Variants in ENOX1 observed in about 807,000 individuals in gnomAD.
The protein encoded by ENOX1 is ecto-NOX disulfide-thiol exchanger 1.
In ENOX1, 42 loss-of-function variants were observed where a neutral mutation model predicts 82.5. The observed-to-expected ratio is 0.51, with a 90% CI of 0.40 to 0.66. ENOX1 has a LOEUF of 0.66. Among genes scored for constraint, ENOX1 ranks in the 30% least tolerant of loss-of-function variants. ENOX1 has a pLI of 0.00. For missense variants in ENOX1, 608 were observed against 811.6 expected (o/e 0.75, Z 3.05); for synonymous variants, 271 against 282.2 (o/e 0.96, Z 0.40).
chr13:43,617,175 A>G (rs2082518473), intron 2 of ENOX1, among the ~76,000 whole-genome samples: 1 of 152,182 alleles, frequency 6.6e-6, no homozygotes. Flanking sequence ...CATGAGCTAG[A>G]ATGTATTCCG....
intron 2 of ENOX1, among the ~76,000 whole-genome samples, chr13:43,570,425 A>G (rs1446167914): frequency 6.6e-6 from 1 of 152,204 alleles, no homozygotes; most frequent in Admixed American, 6.5e-5. Context: ...TTAGGAGCCA[A>G]TGAAGAACAT....
chr13:43,650,610 G>A (rs866311580), intron 2 of ENOX1, among the ~76,000 whole-genome samples: 3 of 152,068 alleles, frequency 2.0e-5, no homozygotes, highest in Admixed American at 6.6e-5. Flanking sequence ...AGGCCAAGGC[G>A]GGTGGATCAT....
At chr13:43,781,410 C>T (rs1464254521) in intron 1 of ENOX1, among the ~76,000 whole-genome samples, 1 of 152,122 alleles carries the variant, frequency 6.6e-6, no homozygotes, top group African/African-American at 2.4e-5. Context: ...GGGAGTAATT[C>T]AAATGAATTC....
chr13:43,451,736 T>G (rs564312764), intron 3 of ENOX1, among the ~76,000 whole-genome samples: 1 of 152,362 alleles, frequency 6.6e-6, no homozygotes, highest in South Asian at 2.1e-4. Context: ...CTGTGAAGTT[T>G]GTATAGCCTT....
chr13:43,237,886 CA>C (rs2042626705), intron 14 of ENOX1, among the ~76,000 whole-genome samples: 2 of 152,224 alleles, frequency 1.3e-5, no homozygotes, highest in South Asian at 4.1e-4. Context: ...CTTTGTAATC[CA>C]GGGGTAATTA....
At chr13:43,537,102 G>A (rs796380382) in intron 2 of ENOX1, among the ~76,000 whole-genome samples, 5 of 152,322 alleles carry the variant, frequency 3.3e-5, no homozygotes, top group African/African-American at 9.6e-5. Context: ...CCTGGGCAGA[G>A]AAACTGCAAT....
At chr13:43,605,117 A>G (rs1473248234) in intron 2 of ENOX1, among the ~76,000 whole-genome samples, 3 of 152,060 alleles carry the variant, frequency 2.0e-5, no homozygotes, top group Non-Finnish European at 4.4e-5. Context: ...TTACAAAAAT[A>G]TCTACAATGA....
chr13:43,344,107 T>C (rs762419159), intron 9 of ENOX1, among the ~76,000 whole-genome samples: 6 of 152,216 alleles, frequency 3.9e-5, no homozygotes, highest in Non-Finnish European at 8.8e-5. Flanking sequence ...GTTTTTCTGA[T>C]AGTACCCTTT....
At chr13:43,739,060 C>T (rs990594357) in intron 1 of ENOX1, among the ~76,000 whole-genome samples, 1 of 152,202 alleles carries the variant, frequency 6.6e-6, no homozygotes, top group African/African-American at 2.4e-5. Flanking sequence ...CTATCTCCAA[C>T]TGTTTCCTAG....
intron 3 of ENOX1, among the ~76,000 whole-genome samples, chr13:43,462,665 G>T (rs1282850664): frequency 6.6e-6 from 1 of 152,188 alleles, no homozygotes; most frequent in Non-Finnish European, 1.5e-5. Context: ...CTTCGAGAGG[G>T]TAGCAAATAA....
intron 7 of ENOX1, among the ~76,000 whole-genome samples, chr13:43,358,346 C>T (rs1474327446): frequency 6.7e-6 from 1 of 149,592 alleles, no homozygotes; most frequent in Non-Finnish European, 1.5e-5. Flanking sequence ...TTTTTTCCAA[C>T]CAAATGTGTA....
intron 3 of ENOX1, among the ~76,000 whole-genome samples, chr13:43,465,706 G>C (rs2057689769): frequency 6.6e-6 from 1 of 152,122 alleles, no homozygotes; most frequent in Non-Finnish European, 1.5e-5. Context: ...TTCTGTGTCT[G>C]TCCGTATGCA....
chr13:43,750,836 C>T (rs1018093779), intron 1 of ENOX1, among the ~76,000 whole-genome samples: 1 of 152,204 alleles, frequency 6.6e-6, no homozygotes, highest in Non-Finnish European at 1.5e-5. Flanking sequence ...AGAACCTTTA[C>T]TGGTTGGAAA....
intron 12 of ENOX1, among the ~76,000 whole-genome samples, chr13:43,286,046 G>A (rs2045685293): frequency 6.6e-6 from 1 of 152,116 alleles, no homozygotes; most frequent in Non-Finnish European, 1.5e-5. Flanking sequence ...GTTGAAATGG[G>A]TAATTACATC....
chr13:43,351,696 G>A (rs969264101), intron 8 of ENOX1, among the ~76,000 whole-genome samples: 88 of 149,400 alleles, frequency 5.9e-4, no homozygotes, highest in Admixed American at 2.9e-3. Flanking sequence ...TTGTTCTTGC[G>A]ATAGTTTACT....
chr13:43,368,082 C>T (rs1487513302), intron 5 of ENOX1, among the ~76,000 whole-genome samples: 1 of 152,144 alleles, frequency 6.6e-6, no homozygotes, highest in Non-Finnish European at 1.5e-5. Flanking sequence ...GCCTACAAAC[C>T]AGATCTTTAA....
At chr13:43,417,073 G>T (rs1399608755) in intron 3 of ENOX1, among the ~76,000 whole-genome samples, 1 of 152,210 alleles carries the variant, frequency 6.6e-6, no homozygotes, top group East Asian at 1.9e-4. Flanking sequence ...GTCAGGCGTG[G>T]TGGCGTGCGC....
chr13:43,522,947 C>T (rs2077835096), intron 2 of ENOX1, among the ~76,000 whole-genome samples: 1 of 152,114 alleles, frequency 6.6e-6, no homozygotes, highest in African/African-American at 2.4e-5. Context: ...GTTCTGTAGA[C>T]CTTCATTTGG....
At chr13:43,283,724 T>C (rs993182529) in intron 12 of ENOX1, among the ~76,000 whole-genome samples, 77 of 151,950 alleles carry the variant, frequency 5.1e-4, no homozygotes, top group African/African-American at 1.7e-3. Context: ...GTGTTAAAAT[T>C]ACAAGTGTTA....
Sources: allele counts gnomAD v4.1 joint callset (sites outside exome capture counted in the v4.1 genomes callset), GRCh38; gene constraint gnomAD v4.1.1; transcripts MANE v1.5; gene names NCBI Gene and HGNC (gene_info 2026-07-23, HGNC 2026-07-21).